CABIN1: variants seen among roughly 807,000 people sequenced by gnomAD.
The protein encoded by CABIN1 is calcineurin binding protein 1.
In CABIN1, 133 loss-of-function variants were observed where a neutral mutation model predicts 227.7. That is an observed-to-expected ratio of 0.58 (90% CI 0.51 to 0.67). The LOEUF is 0.67. Ranked by LOEUF, CABIN1 falls within the 30% of genes least tolerant of loss-of-function variation. The pLI is 0.00. For synonymous variants in CABIN1, 1,086 were observed against 1,155.1 expected, an observed-to-expected ratio of 0.94 and a Z score of 1.21; for missense variants, 2,408 against 2,852.5, an observed-to-expected ratio of 0.84 and a Z score of 3.55.
intron 29 of CABIN1, among the ~76,000 whole-genome samples, chr22:24,153,827 G>A (rs1337644408): frequency 6.6e-6 from 1 of 152,166 alleles, no homozygotes; most frequent in Non-Finnish European, 1.5e-5. Flanking sequence ...GCTTTACTCA[G>A]CAGAGGCTTA....
intron 24 of CABIN1, among the ~76,000 whole-genome samples, chr22:24,095,238 GC>G (rs1286964092): frequency 6.6e-6 from 1 of 152,262 alleles, no homozygotes; most frequent in Non-Finnish European, 1.5e-5. Context: ...CCAAGTGGGA[GC>G]CTGCCTCACA....
chr22:24,112,349 T>G (rs879322418), intron 26 of CABIN1, among the ~76,000 whole-genome samples: 1 of 152,238 alleles, frequency 6.6e-6, no homozygotes, highest in Non-Finnish European at 1.5e-5. Flanking sequence ...TTACCTTTAG[T>G]GCCCCAGTGG....
intron 1 of CABIN1, among the ~76,000 whole-genome samples, chr22:24,032,616 A>C (rs1375318747): frequency 6.6e-6 from 1 of 152,064 alleles, no homozygotes; most frequent in African/African-American, 2.4e-5. Context: ...ATGTACAAAG[A>C]CTCCAGTTTC....
chr22:24,055,669 T>G (rs1808219638), intron 9 of CABIN1, among the ~76,000 whole-genome samples: 1 of 152,250 alleles, frequency 6.6e-6, no homozygotes, highest in South Asian at 2.1e-4. Context: ...TTTTCTTGAT[T>G]TCTGTGTCAC....
intron 33 of CABIN1, among the ~76,000 whole-genome samples, chr22:24,170,631 C>T (rs1409716423): frequency 6.6e-6 from 1 of 152,188 alleles, no homozygotes; most frequent in Non-Finnish European, 1.5e-5. Context: ...GGGGCACATC[C>T]CAGACACCCA....
chr22:24,156,118 A>G (rs1040258494), intron 29 of CABIN1: 7 of 403,238 alleles, frequency 1.7e-5, no homozygotes, highest in South Asian at 8.7e-5. Flanking sequence ...TGGGGCCGGG[A>G]CTGGGGCCGG....
chr22:24,136,138 A>G (rs1373347376), intron 29 of CABIN1, among the ~76,000 whole-genome samples: 2 of 152,190 alleles, frequency 1.3e-5, no homozygotes, highest in Non-Finnish European at 2.9e-5. Context: ...GTGTCCTTCT[A>G]GAGGGCATCT....
intron 32 of CABIN1, among the ~76,000 whole-genome samples, chr22:24,167,558 C>G (rs181239327): frequency 7.8e-4 from 119 of 152,320 alleles, no homozygotes; most frequent in African/African-American, 2.7e-3. Context: ...GACCGCTGCT[C>G]CCACCGCTGC....
At chr22:24,120,144 C>T (rs888557460) in intron 28 of CABIN1, among the ~76,000 whole-genome samples, 2 of 152,212 alleles carry the variant, frequency 1.3e-5, no homozygotes. Context: ...TGCCCTAGGC[C>T]CCATCTCTCC....
chr22:24,139,188 G>T (rs1031197057), intron 29 of CABIN1, among the ~76,000 whole-genome samples: 1 of 152,218 alleles, frequency 6.6e-6, no homozygotes, highest in East Asian at 1.9e-4. Flanking sequence ...CAGGCACTGT[G>T]CCCTTCTCAG....
At chr22:24,065,504 G>A (rs1337978692) in intron 15 of CABIN1, among the ~76,000 whole-genome samples, 2 of 149,956 alleles carry the variant, frequency 1.3e-5, no homozygotes, top group South Asian at 2.1e-4. Context: ...GGGCAGAGAC[G>A]CTCCTCACTT....
chr22:24,157,293 G>A, intron 29 of CABIN1, among the ~76,000 whole-genome samples: 1 of 152,172 alleles, frequency 6.6e-6, no homozygotes, highest in East Asian at 1.9e-4. Context: ...AGGGCATCAG[G>A]AAGATAGGGA....
intron 19 of CABIN1, among the ~76,000 whole-genome samples, chr22:24,076,654 A>G (rs773559047): frequency 6.6e-6 from 1 of 152,168 alleles, no homozygotes; most frequent in Non-Finnish European, 1.5e-5. Flanking sequence ...ACCGCCTTCT[A>G]TTGAGTCCTG....
chr22:24,059,512 T>A, intron 11 of CABIN1, 149 bp downstream of exon 11: 1 of 982,172 alleles, frequency 1.0e-6, no homozygotes, highest in South Asian at 1.4e-5. Context: ...ACCTAAGCCC[T>A]GTGGTCAGCT....
rs373748781 is a variant in CABIN1, at chr22:24,113,909, C to T, written c.4300+161C>T. Reference sequence around the variant, plus strand: ...AGGATGAGAATGGTCCCAGTGCCCGCCCTGGGGTTGTGAGGGTTGAGTGAG... The same window carrying T: ...AGGATGAGAATGGTCCCAGTGCCCGTCCTGGGGTTGTGAGGGTTGAGTGAG... On this transcript the variant is annotated intron_variant, in intron 27 of 36. Transcript: ENST00000263119. 5.9e-4 allele frequency among the ~76,000 whole-genome samples: 90 copies of T among 152,324 alleles called. 1 individual carries two copies. In the South Asian group the frequency reaches 0.018, roughly 30 times the overall value.
At chr22:24,036,940 G>A (rs1204292036) in intron 3 of CABIN1, among the ~76,000 whole-genome samples, 1 of 152,090 alleles carries the variant, frequency 6.6e-6, no homozygotes, top group Non-Finnish European at 1.5e-5. Flanking sequence ...CAATGATCAG[G>A]CTATGGCAGA....
intron 7 of CABIN1, among the ~76,000 whole-genome samples, chr22:24,050,281 G>A (rs2038223091): frequency 6.6e-6 from 1 of 152,192 alleles, no homozygotes; most frequent in Admixed American, 6.5e-5. Context: ...TTCATGAGTA[G>A]CTCTGAGGTG....
chr22:24,176,940 A>G (rs1245577044), intron 35 of CABIN1, among the ~76,000 whole-genome samples: 1 of 152,214 alleles, frequency 6.6e-6, no homozygotes, highest in Non-Finnish European at 1.5e-5. Flanking sequence ...TGTGGAGACG[A>G]GCCAGGCCAG....
At chr22:24,171,509 A>G (rs1055550903) in intron 33 of CABIN1, among the ~76,000 whole-genome samples, 6 of 152,164 alleles carry the variant, frequency 3.9e-5, no homozygotes, top group African/African-American at 1.4e-4. Flanking sequence ...GCTGTGTCCT[A>G]GCATCAGCAG....
Sources: gnomAD v4.1 joint callset for allele counts (sites outside exome capture counted in the v4.1 genomes callset) on GRCh38, gnomAD v4.1.1 for gene constraint, MANE v1.5 for transcripts, NCBI Gene and HGNC (gene_info 2026-07-23, HGNC 2026-07-21) for gene names.